Variants in CNTNAP2 observed in about 807,000 individuals in gnomAD.
The protein encoded by CNTNAP2 is contactin associated protein 2.
CNTNAP2 carries 98 observed loss-of-function variants against 155.2 expected under a neutral mutation model. The ratio of observed to expected loss-of-function variants is 0.63; its 90% CI spans 0.54 to 0.75. CNTNAP2 has a LOEUF of 0.75. Among genes scored for constraint, CNTNAP2 ranks in the 30% least tolerant of loss-of-function variants. The pLI, the probability that CNTNAP2 is intolerant of heterozygous loss-of-function variation, is 0.00. For missense variants in CNTNAP2, 1,727 were observed against 1,688.1 expected, an observed-to-expected ratio of 1.02 and a Z score of -0.40; for synonymous variants, 651 against 631.2, an observed-to-expected ratio of 1.03 and a Z score of -0.47.
At chr7:146,379,364 A>G (rs1209930011) in intron 1 of CNTNAP2, among the ~76,000 whole-genome samples, 1 of 152,216 alleles carries the variant, frequency 6.6e-6, no homozygotes, top group Non-Finnish European at 1.5e-5. Flanking sequence ...TTGGACATCT[A>G]CTTGCATTCT....
intron 1 of CNTNAP2, among the ~76,000 whole-genome samples, chr7:146,672,663 G>A (rs984890703): frequency 6.6e-6 from 1 of 152,120 alleles, no homozygotes; most frequent in Non-Finnish European, 1.5e-5. Flanking sequence ...TGGATTACAA[G>A]ATCCCTAAGA....
intron 1 of CNTNAP2, among the ~76,000 whole-genome samples, chr7:146,621,179 T>G (rs1264634298): frequency 6.6e-6 from 1 of 152,218 alleles, no homozygotes; most frequent in African/African-American, 2.4e-5. Flanking sequence ...TCTTGCTGCC[T>G]CATTTTTAAA....
intron 3 of CNTNAP2, among the ~76,000 whole-genome samples, chr7:146,881,112 G>C (rs1795541260): frequency 6.6e-6 from 1 of 152,072 alleles, no homozygotes; most frequent in South Asian, 2.1e-4. Context: ...TTTGAGCCAA[G>C]TCTGCATTCT....
At chr7:146,692,287 A>C (rs1299061096) in intron 1 of CNTNAP2, among the ~76,000 whole-genome samples, 1 of 152,084 alleles carries the variant, frequency 6.6e-6, no homozygotes, top group African/African-American at 2.4e-5. Context: ...ATGCCGTTTG[A>C]TGTTGTATTT....
chr7:147,011,629 A>G (rs1798626675), intron 3 of CNTNAP2, among the ~76,000 whole-genome samples: 1 of 132,582 alleles, frequency 7.5e-6, no homozygotes, highest in Non-Finnish European at 1.7e-5. Flanking sequence ...CTGGCCTCCT[A>G]TTCCGAGCCA....
chr7:146,999,856 CT>C (rs1409273863), intron 3 of CNTNAP2, among the ~76,000 whole-genome samples: 1 of 151,928 alleles, frequency 6.6e-6, no homozygotes, highest in Non-Finnish European at 1.5e-5. Context: ...TGAGGGTAAT[CT>C]TTTTTAAATT....
intron 1 of CNTNAP2, among the ~76,000 whole-genome samples, chr7:146,445,032 A>T (rs1316250901): frequency 6.6e-6 from 1 of 151,962 alleles, no homozygotes; most frequent in African/African-American, 2.4e-5. Flanking sequence ...CATTCTGCTC[A>T]AATCATTTCA....
At chr7:146,974,376 T>G (rs1355257299) in intron 3 of CNTNAP2, among the ~76,000 whole-genome samples, 1 of 151,598 alleles carries the variant, frequency 6.6e-6, no homozygotes, top group Non-Finnish European at 1.5e-5. Context: ...AAGAGGAGGT[T>G]GCAGTGAGCC....
chr7:147,475,907 T>C (rs567895411), intron 10 of CNTNAP2, among the ~76,000 whole-genome samples: 27 of 152,272 alleles, frequency 1.8e-4, no homozygotes, highest in African/African-American at 6.0e-4. Context: ...TTAACCTAAT[T>C]TGTATAAGTC....
chr7:146,853,594 T>C (rs1297754256), intron 3 of CNTNAP2, among the ~76,000 whole-genome samples: 1 of 152,190 alleles, frequency 6.6e-6, no homozygotes, highest in African/African-American at 2.4e-5. Flanking sequence ...TGGTAAGCAC[T>C]TTTTGTGTCA....
At chr7:147,042,437 G>C (rs1050439426) in intron 3 of CNTNAP2, among the ~76,000 whole-genome samples, 1 of 152,126 alleles carries the variant, frequency 6.6e-6, no homozygotes, top group Admixed American at 6.6e-5. Flanking sequence ...CGGAGCGCAG[G>C]AATTTGACCG....
intron 8 of CNTNAP2, among the ~76,000 whole-genome samples, chr7:147,261,688 T>TA (rs1302931417): frequency 6.6e-6 from 1 of 151,978 alleles, no homozygotes; most frequent in African/African-American, 2.4e-5. Flanking sequence ...GGGAAAAAAA[T>TA]AAAAAATCCA....
chr7:147,505,974 G>A (rs1260275541), intron 11 of CNTNAP2, among the ~76,000 whole-genome samples: 1 of 152,120 alleles, frequency 6.6e-6, no homozygotes, highest in Non-Finnish European at 1.5e-5. Flanking sequence ...CTTAAGAACC[G>A]GCTCAAGCAT....
intron 9 of CNTNAP2, among the ~76,000 whole-genome samples, chr7:147,383,217 T>G (rs547397320): frequency 1.3e-5 from 2 of 152,294 alleles, no homozygotes; most frequent in South Asian, 4.1e-4. Flanking sequence ...TCCGCCTTAC[T>G]CAATACATTT....
chr7:148,039,996 A>G (rs986116595), intron 15 of CNTNAP2, among the ~76,000 whole-genome samples: 4 of 152,222 alleles, frequency 2.6e-5, no homozygotes, highest in African/African-American at 7.2e-5. Context: ...GGCATAAACA[A>G]AACTATCCCT....
At chr7:147,341,075 T>A in intron 9 of CNTNAP2, among the ~76,000 whole-genome samples, 1 of 84,308 alleles carries the variant, frequency 1.2e-5, no homozygotes, top group East Asian at 5.4e-4. Flanking sequence ...TGTGTTTGTG[T>A]GTGTGTGTGT....
intron 13 of CNTNAP2, among the ~76,000 whole-genome samples, chr7:147,661,651 C>A (rs759850037): frequency 7.3e-5 from 11 of 151,558 alleles, no homozygotes; most frequent in Non-Finnish European, 1.5e-4. Flanking sequence ...CTGCTGGGTT[C>A]AAGTGAGTCT....
At chr7:148,226,619 A>C (rs1417610301) in intron 19 of CNTNAP2, among the ~76,000 whole-genome samples, 1 of 125,900 alleles carries the variant, frequency 7.9e-6, no homozygotes, top group Non-Finnish European at 1.7e-5. Context: ...TCCTCTAGGA[A>C]CACTCAACTG....
intron 13 of CNTNAP2, among the ~76,000 whole-genome samples, chr7:147,775,557 A>G (rs1797572169): frequency 6.7e-6 from 1 of 150,366 alleles, no homozygotes; most frequent in Non-Finnish European, 1.5e-5. Flanking sequence ...GACAGAATTA[A>G]TGCTACTCAG....
Sources: allele counts gnomAD v4.1 joint callset (sites outside exome capture counted in the v4.1 genomes callset), GRCh38; gene constraint gnomAD v4.1.1; transcripts MANE v1.5; gene names NCBI Gene and HGNC (gene_info 2026-07-23, HGNC 2026-07-21).